CAST: variants seen among roughly 807,000 people sequenced by gnomAD.
CAST encodes calpastatin, also known as MIR583 host.
Under a neutral mutation model 119.6 loss-of-function variants are expected in CAST, and 76 were observed. That is an observed-to-expected ratio of 0.64 (90% confidence interval 0.53 to 0.77). The LOEUF (loss-of-function observed/expected upper bound fraction) is 0.77, where lower values mean the gene tolerates loss of function less well. Among genes scored for constraint, CAST ranks in the 30% least tolerant of loss-of-function variants. CAST has a pLI of 0.00. For missense variants in CAST, 953 were observed against 946.5 expected (o/e 1.01, Z -0.09); for synonymous variants, 319 against 331.6 (o/e 0.96, Z 0.41).
intron 1 of CAST, among the ~76,000 whole-genome samples, chr5:96,594,700 A>T (rs1026683342): frequency 6.6e-6 from 1 of 152,102 alleles, no homozygotes; most frequent in Non-Finnish European, 1.5e-5. Context: ...GAGGTTTCAA[A>T]TTTTTATTTT....
intron 25 of CAST, chr5:96,763,055 A>C (rs1581371225): frequency 1.3e-6 from 1 of 759,964 alleles, no homozygotes; most frequent in South Asian, 1.4e-5. Flanking sequence ...GCCCTAAACC[A>C]GATCCCCATC....
intron 1 of CAST, among the ~76,000 whole-genome samples, chr5:96,639,043 A>T (rs747314001): frequency 3.3e-5 from 5 of 152,216 alleles, no homozygotes; most frequent in Non-Finnish European, 7.3e-5. Flanking sequence ...TATTCAGCCC[A>T]TGTGTTGGCA....
chr5:96,322,403 C>T, the CAST span, among the ~76,000 whole-genome samples: 10 of 152,142 alleles, frequency 6.6e-5, no homozygotes, highest in Admixed American at 1.3e-4. Context: ...TCACAGCCTG[C>T]CCATCATCCC....
At chr5:96,182,738 C>T in the CAST span, among the ~76,000 whole-genome samples, 4,820 of 152,220 alleles carry the variant, frequency 0.032, 260 homozygotes, top group African/African-American at 0.11. Context: ...TGAAGAACTC[C>T]TAAGCAAACA....
At chr5:95,999,446 C>T in the CAST span, among the ~76,000 whole-genome samples, 1 of 152,134 alleles carries the variant, frequency 6.6e-6, no homozygotes, top group Non-Finnish European at 1.5e-5. Context: ...AACTCCCAGG[C>T]TCAAACGATC....
chr5:96,439,940 CA>C, the CAST span, among the ~76,000 whole-genome samples: 1 of 152,096 alleles, frequency 6.6e-6, no homozygotes, highest in Admixed American at 6.5e-5. Flanking sequence ...AAAAATTGTA[CA>C]ATCAGTAAAA....
At chr5:96,104,048 G>A in the CAST span, among the ~76,000 whole-genome samples, 1 of 152,134 alleles carries the variant, frequency 6.6e-6, no homozygotes, top group African/African-American at 2.4e-5. Flanking sequence ...AGAAGTGTCT[G>A]TTCATGTCCT....
At chr5:96,473,651 T>G in the CAST span, among the ~76,000 whole-genome samples, 2 of 152,114 alleles carry the variant, frequency 1.3e-5, no homozygotes, top group African/African-American at 2.4e-5. Context: ...ACCAATAGCA[T>G]CCCATGGGCC....
the CAST span, among the ~76,000 whole-genome samples, chr5:96,284,499 C>A: frequency 1.3e-5 from 2 of 152,144 alleles, no homozygotes; most frequent in Non-Finnish European, 2.9e-5. Flanking sequence ...TTGGGGCTCC[C>A]AGGGACTGCC....
At chr5:96,436,379 A>C in the CAST span, among the ~76,000 whole-genome samples, 1 of 152,194 alleles carries the variant, frequency 6.6e-6, no homozygotes, top group Non-Finnish European at 1.5e-5. Flanking sequence ...ATAAAATATA[A>C]CATTTTGGGC....
At chr5:96,730,666 A>C in intron 8 of CAST, 114 bp from the exon 9 acceptor site, 1 of 751,268 alleles carries the variant, frequency 1.3e-6, no homozygotes, top group Non-Finnish European at 2.4e-6. Context: ...ACATTCCCTT[A>C]TGGTGTCCGT....
chr5:96,364,262 G>A, the CAST span, among the ~76,000 whole-genome samples: 9 of 152,110 alleles, frequency 5.9e-5, no homozygotes, highest in African/African-American at 4.8e-5. Flanking sequence ...TTTTTGCATC[G>A]ATGTTCATCA....
chr5:96,713,787 C>T (rs537390547), intron 3 of CAST, among the ~76,000 whole-genome samples: 1 of 152,062 alleles, frequency 6.6e-6, no homozygotes, highest in African/African-American at 2.4e-5. Context: ...CCAGCCTGAC[C>T]AATATGGTGA....
the CAST span, among the ~76,000 whole-genome samples, chr5:96,012,866 C>A: frequency 6.6e-6 from 1 of 152,154 alleles, no homozygotes; most frequent in East Asian, 1.9e-4. Context: ...TTGCATGCTT[C>A]CATTAGCTAC....
chr5:96,259,661 C>T, the CAST span, among the ~76,000 whole-genome samples: 78,659 of 151,836 alleles, frequency 0.52, 21,667 homozygotes, highest in African/African-American at 0.7. Flanking sequence ...CAGCACTTAG[C>T]TGAGGGGTGA....
At chr5:96,662,275 G>A, upstream of CAST, 1 of 988,580 alleles carries the variant, frequency 1.0e-6, no homozygotes, top group Non-Finnish European at 1.3e-6. Flanking sequence ...GCAGACCTGG[G>A]GTGGGGTCGG....
chr5:96,557,410 C>G (rs1172272647), intron 1 of CAST, among the ~76,000 whole-genome samples: 1 of 152,008 alleles, frequency 6.6e-6, no homozygotes, highest in Non-Finnish European at 1.5e-5. Context: ...AAGACACAGA[C>G]TGGCAAATTG....
chr5:96,370,037 C>A, the CAST span, among the ~76,000 whole-genome samples: 1 of 151,956 alleles, frequency 6.6e-6, no homozygotes, highest in Non-Finnish European at 1.5e-5. Context: ...AAATGGAAAT[C>A]TCTTACATTT....
the CAST span, among the ~76,000 whole-genome samples, chr5:96,017,096 A>G: frequency 2.0e-5 from 3 of 152,136 alleles, no homozygotes; most frequent in Non-Finnish European, 4.4e-5. Flanking sequence ...TTGGTCTCCC[A>G]AAGTGCTGGG....
Sources: allele counts gnomAD v4.1 joint callset (sites outside exome capture counted in the v4.1 genomes callset), GRCh38; gene constraint gnomAD v4.1.1; transcripts MANE v1.5; gene names NCBI Gene and HGNC (gene_info 2026-07-23, HGNC 2026-07-21).